PRCD: variants seen among roughly 807,000 people sequenced by gnomAD.
PRCD encodes photoreceptor disc component.
PRCD carries 12 observed loss-of-function variants against 10.1 expected under a neutral mutation model. The observed-to-expected ratio is 1.18, with a 90% CI of 0.76 to 1.92. The LOEUF (loss-of-function observed/expected upper bound fraction) is 1.92, where lower values mean the gene tolerates loss of function less well. Among genes scored for constraint, PRCD ranks in the 40% most tolerant of loss-of-function variants. The pLI, the probability that PRCD is intolerant of heterozygous loss-of-function variation, is 0.00. For synonymous variants in PRCD, 31 were observed against 26.2 expected (o/e 1.18, Z -0.56); for missense variants, 61 against 72.2 (o/e 0.84, Z 0.56).
chr17:76,540,251 CGG>C lies in PRCD; in HGVS notation c.74+47_74+48del. ...GACCGGGCTATGGCTGGCGGTTGGT[CGG>C]GGGGGGGGGGCATGGGGCTGGGCTG... On this transcript the variant is annotated intron_variant, in intron 1 of 4. Transcript: ENST00000592014. This position sits in a 1 kb window ranked among gnomAD's most constrained non-coding sequence, Gnocchi z 5.0. 3 of 892,370 alleles carry C rather than the reference CGG, an allele frequency of 3.4e-6. No individual in the cohort carries two copies. In the African/African-American group the frequency reaches 6.6e-5, roughly 20 times the overall value. The allele number at this position is 892,370 out of a possible 1,614,324, so 55.3% of individuals were successfully genotyped here.
At position 76,534,840 on chromosome 17, in the gene PRCD, C is replaced by A. The variant is rs150627950; in HGVS notation, n.46-5665C>A. 5.5e-3 allele frequency among the ~76,000 whole-genome samples: 837 copies of A among 152,370 alleles called. 8 individuals are homozygous for A. The highest frequency in any genetic ancestry group is 0.037 in the South Asian group (179 of 4,826). Reference sequence around the variant, plus strand: ...GAATGACAGTCTCAGGGAGTCCCCACCCAGACCCTCCACGGTTCTGTGGCC... The same window carrying A: ...GAATGACAGTCTCAGGGAGTCCCCAACCAGACCCTCCACGGTTCTGTGGCC... On this transcript the variant is annotated intron_variant and non_coding_transcript_variant, in intron 1 of 4. Transcript: ENST00000397633.
intron 1 of PRCD, chr17:76,527,966 C>T (rs1196692259): frequency 8.0e-6 from 3 of 373,566 alleles, no homozygotes; most frequent in Non-Finnish European, 1.6e-5. Flanking sequence ...AGCCCTGCCC[C>T]TCCAGGCCCA....
At chr17:76,545,751 A>G (rs916770721), downstream of PRCD, 3 of 236,156 alleles carry the variant, frequency 1.3e-5, no homozygotes, top group Admixed American at 5.1e-5. Context: ...GAAGATGCTT[A>G]GCATGTTGGG....
chr17:76,547,600 GGGA>G (rs1479550047), downstream of PRCD, among the ~76,000 whole-genome samples: 2 of 151,850 alleles, frequency 1.3e-5, no homozygotes, highest in African/African-American at 2.4e-5. Context: ...TGTGCACCTG[GGGA>G]GGAGAGGCCA....
rs1235090770 is a variant in PRCD at position 76,528,061 on chromosome 17, A to G, written n.45+228A>G. ...CGGAACCCCTCCCTGCCCCACTCAC[A>G]GGTGGGCCAAACCGAGGCTTCTGGG... On this transcript the variant is annotated intron_variant and non_coding_transcript_variant, in intron 1 of 4. Coordinates refer to the PRCD transcript ENST00000397633. This position sits in a 1 kb window ranked among gnomAD's most constrained non-coding sequence, Gnocchi z 5.8. 8.2e-6 allele frequency: 3 copies of G among 365,738 alleles called. No individual in the cohort carries two copies. The highest frequency in any genetic ancestry group is 1.5e-5 in the Non-Finnish European group (3 of 193,560). 22.7% of individuals were successfully genotyped at this position (365,738 alleles called of 1,614,324 possible).
chr17:76,536,927 C>T (rs2074921308), upstream of PRCD, among the ~76,000 whole-genome samples: 4 of 152,340 alleles, frequency 2.6e-5, no homozygotes, highest in South Asian at 8.3e-4. Flanking sequence ...TCTTTGCTCT[C>T]TGTTCTTCCA....
At chr17:76,539,155 C>G (rs751252921), upstream of PRCD, among the ~76,000 whole-genome samples, 7 of 152,142 alleles carry the variant, frequency 4.6e-5, no homozygotes, top group Non-Finnish European at 8.8e-5. Flanking sequence ...TTCAGGTTCT[C>G]ACACCACTCC....
Position 76,530,252 on chromosome 17 carries a change from C to T in PRCD, n.45+2419C>T, listed in dbSNP as rs1380498075. ...TCCATTCAGCTCCCAGAGTCAGCCT[C>T]CCCTTGGGGGCCCAGGGAGGCCGAG... On this transcript the variant is annotated intron_variant and non_coding_transcript_variant, in intron 1 of 4. Transcript: ENST00000397633. The surrounding 1 kb of genome is among the most constrained non-coding windows in gnomAD (Gnocchi z 6.1). Among the ~76,000 whole-genome samples, 1 of 151,998 alleles carries T rather than the reference C, an allele frequency of 6.6e-6. No individual in the cohort carries two copies. The highest frequency in any genetic ancestry group is 1.5e-5 in the Non-Finnish European group (1 of 68,012).
In PRCD at chr17:76,528,426, GA is replaced by G. The variant is rs1459812107; in HGVS notation, n.45+594del. The G allele has an allele frequency of 1.0e-5, 7 of 680,474 alleles. No homozygotes were observed. Among genetic ancestry groups the G allele is most frequent in the Non-Finnish European group, 1.5e-5 (7 of 475,336 alleles). 42.2% of individuals were successfully genotyped at this position (680,474 alleles called of 1,614,324 possible). On this transcript the variant is annotated intron_variant and non_coding_transcript_variant, in intron 1 of 4. Transcript: ENST00000397633. This position sits in a 1 kb window ranked among gnomAD's most constrained non-coding sequence, Gnocchi z 5.8. ...CCGCCTCCCAGCAGCTCCAGGGGGG[GA>G]CCCTGGCCGCCACAGAGGCCTCCTT... is the stretch of plus-strand genomic sequence containing the variant.
In PRCD at chr17:76,530,964, C is replaced by T. The variant is rs759957930; in HGVS notation, n.45+3131C>T. On this transcript the variant is annotated intron_variant and non_coding_transcript_variant, in intron 1 of 4. Transcript: ENST00000397633. The surrounding 1 kb of genome is among the most constrained non-coding windows in gnomAD (Gnocchi z 6.1). ...GCGGGGAGGCTGCCCAGCCCACCCT[C>T]GCCCGCCTCCTCACGTGGTGGCGTT... 5.2e-5 allele frequency: 82 copies of T among 1,564,282 alleles called. No individual in the cohort carries two copies. Among genetic ancestry groups the T allele is most frequent in the Admixed American group, 7.4e-5 (4 of 54,348 alleles).
chr17:76,537,441 G>C (rs370725343), upstream of PRCD: 49 of 1,598,852 alleles, frequency 3.1e-5, no homozygotes, highest in Non-Finnish European at 3.8e-5. Flanking sequence ...AGTTGGCATA[G>C]AGCCGGGCCC....
In PRCD at chr17:76,540,270, G is replaced by GGGGGGGGGGGGGGGGGGGGGC; in HGVS notation, c.74+55_74+56insGGGGGGGGGGGGGGGGGGGGC. ...GTTGGTCGGGGGGGGGGGGCATGGG[G>GGGGGGGGGGGGGGGGGGGGGC]CTGGGCTGCCACCAAGCTGAAGGTG... On this transcript the variant is annotated intron_variant, in intron 1 of 4. Coordinates refer to ENST00000592014, the MANE Select transcript of PRCD (RefSeq NM_001077620.3). This position sits in a 1 kb window ranked among gnomAD's most constrained non-coding sequence, Gnocchi z 5.0. 9.7e-7 allele frequency: 1 copy of GGGGGGGGGGGGGGGGGGGGGC among 1,026,284 alleles called. No homozygotes were observed. Among genetic ancestry groups the GGGGGGGGGGGGGGGGGGGGGC allele is most frequent in the Non-Finnish European group, 1.5e-6 (1 of 677,860 alleles). 63.6% of individuals were successfully genotyped at this position (1,026,284 alleles called of 1,614,324 possible).
chr17:76,543,384 A>C (rs1277821215), intron 4 of PRCD: 1 of 341,052 alleles, frequency 2.9e-6, no homozygotes, highest in East Asian at 7.6e-5. Flanking sequence ...AGGAATAAGT[A>C]AGGAGTGAGG....
rs111936272 is a variant in PRCD at position 76,532,530 on chromosome 17, CTTTTT to C, written n.45+4712_45+4716del. Among the ~76,000 whole-genome samples, 5 of 125,706 alleles carry C rather than the reference CTTTTT, an allele frequency of 4.0e-5. No individual in the cohort carries two copies. In the South Asian group the frequency reaches 1.3e-3, roughly 32 times the overall value. The allele number at this position is 125,706 out of a possible 152,430, so 82.5% of individuals were successfully genotyped here. On this transcript the variant is annotated intron_variant and non_coding_transcript_variant, in intron 1 of 4. Transcript: ENST00000397633. ...CCTGCAGTGTGAAAAATGACAATGG[CTTTTT>C]TTTTTTTTTTTTTTGAGATGGAGTC... is the stretch of plus-strand genomic sequence containing the variant.
intron 2 of PRCD, among the ~76,000 whole-genome samples, chr17:76,541,525 T>A (rs2074993568): frequency 6.6e-6 from 1 of 152,206 alleles, no homozygotes; most frequent in African/African-American, 2.4e-5. Flanking sequence ...TCCGTCTTTC[T>A]GTCTCCTGTC....
intron 2 of PRCD, among the ~76,000 whole-genome samples, chr17:76,541,249 G>A (rs1441729484): frequency 6.6e-6 from 1 of 152,204 alleles, no homozygotes; most frequent in East Asian, 1.9e-4. Context: ...TCTTTATGAA[G>A]TTCCCATGCA....
At position 76,531,592 on chromosome 17, in the gene PRCD, G is replaced by A. The variant is rs779661063; in HGVS notation, n.45+3759G>A. The A allele has an allele frequency of 3.8e-5, 61 of 1,613,830 alleles. No homozygotes were observed. Among genetic ancestry groups the A allele is most frequent in the African/African-American group, 6.7e-5 (5 of 74,932 alleles). ...TGAGGGCCCCCATGACTCGGCAGGC[G>A]TGCTTCCGCAGCTGGGGGCTCCGCT... On this transcript the variant is annotated intron_variant and non_coding_transcript_variant, in intron 1 of 4. Coordinates refer to the PRCD transcript ENST00000397633. This position sits in a 1 kb window ranked among gnomAD's most constrained non-coding sequence, Gnocchi z 7.4.
chr17:76,550,323 G>C (rs1273164043), downstream of PRCD: 1 of 147,302 alleles, frequency 6.8e-6, no homozygotes, highest in African/African-American at 2.5e-5. Flanking sequence ...GTGCAATGGT[G>C]CGATCTCGGC....
intron 1 of PRCD, chr17:76,532,211 C>G (rs2074852966): frequency 6.4e-6 from 1 of 156,900 alleles, no homozygotes; most frequent in Non-Finnish European, 1.4e-5. Context: ...AACTGTCCCC[C>G]ACCCGCTTCT....
Sources: allele counts gnomAD v4.1 joint callset (sites outside exome capture counted in the v4.1 genomes callset), GRCh38; gene constraint gnomAD v4.1.1; non-coding constraint Gnocchi (gnomAD v3.1); transcripts MANE v1.5; gene names NCBI Gene and HGNC (gene_info 2026-07-23, HGNC 2026-07-21).